Variants in ARB2A observed in about 807,000 individuals in gnomAD.
ARB2A encodes the protein cotranscriptional regulator ARB2A.
the ARB2A span, among the ~76,000 whole-genome samples, chr5:93,940,824 G>A: frequency 6.6e-6 from 1 of 152,026 alleles, no homozygotes; most frequent in East Asian, 1.9e-4. Flanking sequence ...TAGTGTCTCA[G>A]TTATTTCAAG....
At chr5:94,069,836 T>C in the ARB2A span, among the ~76,000 whole-genome samples, 1 of 152,102 alleles carries the variant, frequency 6.6e-6, no homozygotes, top group African/African-American at 2.4e-5. Flanking sequence ...TACACTGTTG[T>C]TAAGAATGTA....
At chr5:93,821,999 C>T in the ARB2A span, among the ~76,000 whole-genome samples, 2 of 152,014 alleles carry the variant, frequency 1.3e-5, no homozygotes, top group Admixed American at 6.6e-5. Context: ...TCAGCCCTGG[C>T]GTTGCCTGAC....
the ARB2A span, among the ~76,000 whole-genome samples, chr5:93,704,197 G>A: frequency 1.1e-3 from 160 of 152,270 alleles, 1 homozygote; most frequent in Admixed American, 6.7e-3. Context: ...TTAGAAATAA[G>A]GACTGTTAAG....
At chr5:93,950,503 C>T in the ARB2A span, among the ~76,000 whole-genome samples, 1 of 151,638 alleles carries the variant, frequency 6.6e-6, no homozygotes, top group Non-Finnish European at 1.5e-5. Flanking sequence ...ATTAGCCAGG[C>T]GTGGTGGTGC....
chr5:93,738,008 A>T, the ARB2A span: 1 of 414,558 alleles, frequency 2.4e-6, no homozygotes, highest in South Asian at 1.8e-5. Flanking sequence ...GCATCAAAAG[A>T]TACAGTCAAA....
At chr5:93,738,479 CA>C in the ARB2A span, 1 of 152,124 alleles carries the variant, frequency 6.6e-6, no homozygotes, top group African/African-American at 2.4e-5. Context: ...AACAGATAAA[CA>C]AATAGATTAT....
the ARB2A span, among the ~76,000 whole-genome samples, chr5:93,989,122 T>C: frequency 6.6e-6 from 1 of 152,144 alleles, no homozygotes; most frequent in Non-Finnish European, 1.5e-5. Context: ...ACACTCTTAA[T>C]TTGTGTGGCA....
chr5:93,985,791 C>T, the ARB2A span, among the ~76,000 whole-genome samples: 11 of 152,200 alleles, frequency 7.2e-5, no homozygotes, highest in Non-Finnish European at 1.3e-4. Context: ...ACCTCCCAGC[C>T]GCCTGCCTTG....
chr5:93,993,867 T>C, the ARB2A span, among the ~76,000 whole-genome samples: 3 of 151,482 alleles, frequency 2.0e-5, no homozygotes, highest in Non-Finnish European at 4.4e-5. Context: ...GATTCAAAAA[T>C]AGAAAATCAG....
chr5:94,018,529 A>G, the ARB2A span, among the ~76,000 whole-genome samples: 1 of 152,156 alleles, frequency 6.6e-6, no homozygotes, highest in Non-Finnish European at 1.5e-5. Flanking sequence ...TTTAAAAACA[A>G]TGGTAACATA....
chr5:93,889,880 A>G, the ARB2A span, among the ~76,000 whole-genome samples: 3 of 152,058 alleles, frequency 2.0e-5, no homozygotes, highest in African/African-American at 4.8e-5. Context: ...GCCAACTTTA[A>G]TATGAACTTA....
chr5:94,069,340 T>C, the ARB2A span, among the ~76,000 whole-genome samples: 1 of 152,134 alleles, frequency 6.6e-6, no homozygotes, highest in Non-Finnish European at 1.5e-5. Flanking sequence ...GCTAGTAGAA[T>C]GAAACACAGG....
the ARB2A span, among the ~76,000 whole-genome samples, chr5:94,099,701 A>G: frequency 6.6e-6 from 1 of 151,884 alleles, no homozygotes; most frequent in Admixed American, 6.6e-5. Context: ...TAAAGACAAA[A>G]GCCATATGAT....
the ARB2A span, among the ~76,000 whole-genome samples, chr5:94,005,401 T>A: frequency 6.6e-6 from 1 of 151,968 alleles, no homozygotes; most frequent in African/African-American, 2.4e-5. Flanking sequence ...AGAGATAGGG[T>A]TTCACCATAT....
At chr5:93,761,164 CT>C in the ARB2A span, among the ~76,000 whole-genome samples, 4 of 152,248 alleles carry the variant, frequency 2.6e-5, 1 homozygote, top group Admixed American at 2.0e-4. Context: ...GCATTTCCAA[CT>C]GAGATACTGG....
At chr5:93,741,236 T>A in the ARB2A span, 4 of 1,613,800 alleles carry the variant, frequency 2.5e-6, no homozygotes, top group South Asian at 4.4e-5. Context: ...AACTTCGGAA[T>A]GCTCCGCAGG....
chr5:94,098,555 T>G, the ARB2A span, among the ~76,000 whole-genome samples: 1 of 152,026 alleles, frequency 6.6e-6, no homozygotes, highest in Non-Finnish European at 1.5e-5. Flanking sequence ...ATTAACAACC[T>G]AACTTCACAA....
the ARB2A span, among the ~76,000 whole-genome samples, chr5:94,013,738 C>CT: frequency 6.6e-6 from 1 of 151,868 alleles, no homozygotes; most frequent in Non-Finnish European, 1.5e-5. Context: ...TATAAAGAAG[C>CT]TAGTGTCACT....
At chr5:93,944,375 T>C in the ARB2A span, among the ~76,000 whole-genome samples, 2 of 152,164 alleles carry the variant, frequency 1.3e-5, no homozygotes, top group South Asian at 4.2e-4. Flanking sequence ...GCAGAAGGAT[T>C]GCTTGAGCTC....
Sources: gnomAD v4.1 joint callset for allele counts (sites outside exome capture counted in the v4.1 genomes callset) on GRCh38, gnomAD v4.1.1 for gene constraint, MANE v1.5 for transcripts, NCBI Gene and HGNC (gene_info 2026-07-23, HGNC 2026-07-21) for gene names.